Variants in PCDH9 observed in about 807,000 individuals in gnomAD.
PCDH9 encodes the protein protocadherin 9.
A neutral mutation model predicts 70.6 loss-of-function variants in PCDH9; 24 were observed. The observed-to-expected ratio is 0.34, with a 90% CI of 0.25 to 0.48. The LOEUF (loss-of-function observed/expected upper bound fraction) is 0.48. Ranked by LOEUF, PCDH9 falls within the 20% of genes least tolerant of loss-of-function variation. The probability of loss-of-function intolerance (pLI) is 0.99; values close to 1 mark genes in which losing one functional copy is unlikely to be tolerated. For synonymous variants in PCDH9, 562 were observed against 558.5 expected (o/e 1.01, Z -0.09); for missense variants, 1,281 against 1,503.6 (o/e 0.85, Z 2.45).
chr13:66,796,971 T>G (rs1336346835), intron 3 of PCDH9, among the ~76,000 whole-genome samples: 2 of 152,018 alleles, frequency 1.3e-5, no homozygotes, highest in African/African-American at 2.4e-5. Flanking sequence ...GTGCAATGAT[T>G]ATAAGAGGTG....
intron 2 of PCDH9, among the ~76,000 whole-genome samples, chr13:67,123,239 C>A (rs2086911211): frequency 6.6e-6 from 1 of 152,066 alleles, no homozygotes; most frequent in South Asian, 2.1e-4. Flanking sequence ...TAAAGATTGT[C>A]AACGTTTGCT....
At chr13:66,787,447 G>A (rs1201146505) in intron 3 of PCDH9, among the ~76,000 whole-genome samples, 23 of 151,774 alleles carry the variant, frequency 1.5e-4, no homozygotes, top group Admixed American at 1.5e-3. Context: ...GAAAGCCCAT[G>A]TCTACTAAAA....
chr13:67,103,180 C>A (rs2086467383), intron 2 of PCDH9, among the ~76,000 whole-genome samples: 1 of 151,854 alleles, frequency 6.6e-6, no homozygotes, highest in African/African-American at 2.4e-5. Context: ...ATAGTTACAA[C>A]TCAGTAAAAA....
At chr13:66,555,249 G>C (rs1961679434) in intron 4 of PCDH9, among the ~76,000 whole-genome samples, 3 of 152,040 alleles carry the variant, frequency 2.0e-5, no homozygotes, top group Non-Finnish European at 4.4e-5. Flanking sequence ...GGAGACAAAA[G>C]AGTCATTTCA....
At chr13:66,398,340 G>A (rs1181050132) in intron 4 of PCDH9, among the ~76,000 whole-genome samples, 3 of 151,936 alleles carry the variant, frequency 2.0e-5, no homozygotes, top group Non-Finnish European at 4.4e-5. Flanking sequence ...TTCTGCTATT[G>A]GAATCGTTAA....
In PCDH9 at chr13:66,545,396, CAT is replaced by C. The variant is rs564151662; in HGVS notation, c.3340+85812_3340+85813del. On this transcript the variant is annotated intron_variant, in intron 4 of 4. Coordinates refer to ENST00000377865, the MANE Select transcript of PCDH9 (RefSeq NM_203487.3). The stretch of plus-strand genomic sequence containing the variant: ...AATGAGTTAATAAAAAATTTCAAGA[CAT>C]GTAATAAAAATCAGGCTGTTTTAAT... Among the ~76,000 whole-genome samples the C allele has an allele frequency of 4.3e-3, 658 of 152,212 alleles. 2 individuals carry two copies. The highest frequency in any genetic ancestry group is 0.015 in the African/African-American group (625 of 41,540).
chr13:66,405,532 A>T (rs149378128), intron 4 of PCDH9, among the ~76,000 whole-genome samples: 1 of 152,314 alleles, frequency 6.6e-6, no homozygotes, highest in East Asian at 1.9e-4. Flanking sequence ...AAAATAGATT[A>T]TTTAAATGTT....
chr13:66,776,709 G>A (rs2079900004), intron 3 of PCDH9, among the ~76,000 whole-genome samples: 1 of 151,898 alleles, frequency 6.6e-6, no homozygotes, highest in African/African-American at 2.4e-5. Context: ...ACTGCCCAAG[G>A]TAATTTACAG....
At chr13:66,894,107 C>G (rs2082137967) in intron 3 of PCDH9, among the ~76,000 whole-genome samples, 1 of 152,126 alleles carries the variant, frequency 6.6e-6, no homozygotes, top group Non-Finnish European at 1.5e-5. Flanking sequence ...CTCTTTCTCT[C>G]TCATGCATAA....
chr13:66,679,065 A>C (rs537081516), intron 3 of PCDH9, among the ~76,000 whole-genome samples: 2 of 151,818 alleles, frequency 1.3e-5, no homozygotes, highest in African/African-American at 4.8e-5. Context: ...TATAAATAAT[A>C]CATAATATAC....
At chr13:66,845,687 A>G (rs7989069) in intron 3 of PCDH9, among the ~76,000 whole-genome samples, 139,155 of 152,082 alleles carry the variant, frequency 0.92, 64,956 homozygotes, top group Non-Finnish European at 1. Flanking sequence ...TGCCAACTGC[A>G]CCTCCCTCAC....
chr13:66,523,123 C>A (rs1960070985), intron 4 of PCDH9, among the ~76,000 whole-genome samples: 1 of 152,146 alleles, frequency 6.6e-6, no homozygotes, highest in Non-Finnish European at 1.5e-5. Context: ...AAAGAATCAT[C>A]AGCATTCTTG....
At position 66,958,286 on chromosome 13, in the gene PCDH9, G is replaced by A. The variant is rs562113088; in HGVS notation, c.3037-54681C>T. On this transcript the variant is annotated intron_variant, in intron 2 of 4. Transcript: ENST00000377865. ...GTTTACAAAGTTCAAGGTATGAGACGGACTGGATGAAAAACACGGAATTCT... is the reference window on the plus strand; with the variant it reads ...GTTTACAAAGTTCAAGGTATGAGACAGACTGGATGAAAAACACGGAATTCT... Among the ~76,000 whole-genome samples, 64 of 152,212 alleles carry A rather than the reference G, an allele frequency of 4.2e-4. 2 individuals carry two copies. In the South Asian group the frequency reaches 0.012, roughly 30 times the overall value.
Position 67,081,094 on chromosome 13 carries a change from C to T in PCDH9, c.3036+144311G>A, listed in dbSNP as rs186449065. ...CAATATAATTTTGAAAAAAAGATAT[C>T]CATATGTATTGTTTTATGGATTCAA... On this transcript the variant is annotated intron_variant, in intron 2 of 4. Coordinates refer to ENST00000377865, the MANE Select transcript of PCDH9 (RefSeq NM_203487.3). 3.2e-4 allele frequency among the ~76,000 whole-genome samples: 48 copies of T among 152,116 alleles called. No homozygotes were observed. In the Middle Eastern group the frequency reaches 0.017, roughly 54 times the overall value.
At chr13:66,635,326 A>T (rs892108813) in intron 3 of PCDH9, among the ~76,000 whole-genome samples, 1 of 152,184 alleles carries the variant, frequency 6.6e-6, no homozygotes, top group Non-Finnish European at 1.5e-5. Flanking sequence ...TTATATACAG[A>T]TTTCTGGCTG....
chr13:66,800,963 T>C lies in PCDH9; in HGVS notation c.3138+102541A>G, dbSNP rs1319662132. Among the ~76,000 whole-genome samples, 3 of 151,768 alleles carry C rather than the reference T, an allele frequency of 2.0e-5. No homozygotes were observed. In the East Asian group the frequency reaches 5.8e-4, roughly 29 times the overall value. On this transcript the variant is annotated intron_variant, in intron 3 of 4. Coordinates refer to ENST00000377865, the MANE Select transcript of PCDH9 (RefSeq NM_203487.3). ...ATGTTACCTCTTGTTATTACTATTG[T>C]TATTTAGTTCAGCTCAAACCAAAAT... is the stretch of plus-strand genomic sequence containing the variant.
At chr13:66,445,656 CAGAT>C (rs1958071054) in intron 4 of PCDH9, among the ~76,000 whole-genome samples, 1 of 140,110 alleles carries the variant, frequency 7.1e-6, no homozygotes, top group Admixed American at 7.4e-5. Context: ...ATTATATATA[CAGAT>C]ATATATTATG....
chr13:66,410,310 A>T (rs1957347946), intron 4 of PCDH9, among the ~76,000 whole-genome samples: 1 of 152,132 alleles, frequency 6.6e-6, no homozygotes, highest in Non-Finnish European at 1.5e-5. Context: ...ATTGTTTTAC[A>T]GTGATCAAAC....
chr13:67,090,635 G>A (rs986987703), intron 2 of PCDH9, among the ~76,000 whole-genome samples: 4 of 151,668 alleles, frequency 2.6e-5, no homozygotes, highest in African/African-American at 4.8e-5. Flanking sequence ...AAGCAAAAGG[G>A]TTATGTAAAA....
Sources: allele counts gnomAD v4.1 joint callset (sites outside exome capture counted in the v4.1 genomes callset), GRCh38; gene constraint gnomAD v4.1.1; transcripts MANE v1.5; gene names NCBI Gene and HGNC (gene_info 2026-07-23, HGNC 2026-07-21).